The following ANAPC5 variants were observed in gnomAD, a reference collection of about 807,000 sequenced individuals.
ANAPC5 encodes anaphase-promoting complex subunit 5.
ANAPC5 carries 60 observed loss-of-function variants against 91.3 expected under a neutral mutation model. That is an observed-to-expected ratio of 0.66 (90% CI 0.53 to 0.81). The LOEUF (loss-of-function observed/expected upper bound fraction) is 0.81, where lower values mean the gene tolerates loss of function less well. ANAPC5 is among the 40% of genes least tolerant of loss of function. ANAPC5 has a pLI of 0.00. For synonymous variants in ANAPC5, 340 were observed against 364.1 expected (o/e 0.93, Z 0.75); for missense variants, 690 against 931.5 (o/e 0.74, Z 3.37).
chr12:121,318,139 T>G, intron 15 of ANAPC5, 138 bp downstream of exon 15: 1 of 1,093,088 alleles, frequency 9.1e-7, no homozygotes, highest in Non-Finnish European at 1.2e-6. Context: ...TTGGAGGGCT[T>G]GCACAGGAAG....
At chr12:121,324,374 C>T (rs1001319762) in intron 11 of ANAPC5, among the ~76,000 whole-genome samples, 2 of 152,058 alleles carry the variant, frequency 1.3e-5, no homozygotes, top group Non-Finnish European at 2.9e-5. Context: ...AAAAAGGCAG[C>T]TACCTTCTAG....
intron 1 of ANAPC5, among the ~76,000 whole-genome samples, chr12:121,349,904 T>C (rs1373833974): frequency 2.0e-5 from 3 of 151,826 alleles, no homozygotes; most frequent in South Asian, 2.1e-4. Context: ...AGAGATGGGG[T>C]TTCACTGTGT....
At chr12:121,326,635 C>T (rs1555272280) in intron 11 of ANAPC5, 1 of 152,436 alleles carries the variant, frequency 6.6e-6, no homozygotes, top group East Asian at 1.9e-4. Context: ...GGACCTCAGT[C>T]TTTAGTTCTG....
At chr12:121,319,645 A>G in intron 13 of ANAPC5, 52 bp downstream of exon 13, 1 of 1,550,886 alleles carries the variant, frequency 6.4e-7, no homozygotes, top group South Asian at 1.2e-5. Context: ...ACAAAAACAA[A>G]ACCATTTAAC....
At chr12:121,338,890 A>C (rs974632000) in intron 5 of ANAPC5, among the ~76,000 whole-genome samples, 4 of 151,962 alleles carry the variant, frequency 2.6e-5, no homozygotes, top group African/African-American at 9.7e-5. Context: ...TTTTTAACAA[A>C]ATCACAATAT....
chr12:121,331,031 T>A (rs1017267728), intron 8 of ANAPC5: 4 of 393,082 alleles, frequency 1.0e-5, no homozygotes, highest in Non-Finnish European at 1.9e-5. Context: ...CAGGACAACA[T>A]CTCACCCAGT....
chr12:121,352,347 CCGAGACTAAGTCTCGGG>C lies in ANAPC5; in HGVS notation c.-24_-8del. On this transcript the variant is annotated 5_prime_UTR_variant, in exon 1 of 17. Transcript: ENST00000261819. ...TCTCGTGGACGCTGGCCATGGCGGC[CCGAGACTAAGTCTCGGG>C]CCCGCGGCGCGCTGCCGCCAGTTGT... The C allele has an allele frequency of 6.3e-7, 1 of 1,592,892 alleles. No individual in the cohort carries two copies. Among genetic ancestry groups the C allele is most frequent in the Non-Finnish European group, 8.6e-7 (1 of 1,166,162 alleles).
At chr12:121,311,074 C>G (rs1902150226) in intron 15 of ANAPC5, among the ~76,000 whole-genome samples, 1 of 151,450 alleles carries the variant, frequency 6.6e-6, no homozygotes, top group African/African-American at 2.4e-5. Flanking sequence ...ACAAGAGACT[C>G]ACTGTAGATT....
chr12:121,330,116 T>C (rs1416115704), intron 9 of ANAPC5, among the ~76,000 whole-genome samples: 1 of 152,250 alleles, frequency 6.6e-6, no homozygotes, highest in East Asian at 1.9e-4. Context: ...CAGGCCACAC[T>C]TGGTTTCTGT....
At chr12:121,333,493 G>A (rs1002207919) in intron 7 of ANAPC5, 3 of 152,084 alleles carry the variant, frequency 2.0e-5, no homozygotes, top group Admixed American at 6.6e-5. Context: ...GGCTCTGATC[G>A]AGAGGTTATT....
chr12:121,331,277 A>C, intron 8 of ANAPC5, 70 bp downstream of exon 8: 1 of 1,366,842 alleles, frequency 7.3e-7, no homozygotes, highest in Admixed American at 1.8e-5. Context: ...AAACAACCCA[A>C]TTCAACGGGG....
At chr12:121,323,655 C>T (rs928840521) in intron 11 of ANAPC5, among the ~76,000 whole-genome samples, 4 of 152,156 alleles carry the variant, frequency 2.6e-5, no homozygotes, top group Admixed American at 6.6e-5. Context: ...TCTTATTGAT[C>T]CCGAAATACT....
chr12:121,334,715 AAAC>A (rs1555273230), intron 7 of ANAPC5: 4 of 152,240 alleles, frequency 2.6e-5, no homozygotes, highest in Admixed American at 1.3e-4. Flanking sequence ...ACCTGAAAGC[AAAC>A]CTGACTTTCA....
chr12:121,308,985 C>T (rs1457957211), intron 16 of ANAPC5, among the ~76,000 whole-genome samples: 2 of 151,472 alleles, frequency 1.3e-5, no homozygotes, highest in East Asian at 3.9e-4. Flanking sequence ...CTTGTCTCTA[C>T]TAAAAATACA....
At chr12:121,320,320 T>G in intron 12 of ANAPC5, 65 bp downstream of exon 12, 1 of 1,512,842 alleles carries the variant, frequency 6.6e-7, no homozygotes, top group Non-Finnish European at 9.1e-7. Context: ...TATGTCCCAC[T>G]TTATATTATA....
chr12:121,336,529 A>T (rs1903245273), intron 6 of ANAPC5, among the ~76,000 whole-genome samples: 1 of 151,872 alleles, frequency 6.6e-6, no homozygotes, highest in Non-Finnish European at 1.5e-5. Context: ...AATACAAAAA[A>T]TTAGCTGAGC....
At chr12:121,332,152 A>T (rs1236747017) in intron 7 of ANAPC5, 1 of 152,154 alleles carries the variant, frequency 6.6e-6, no homozygotes, top group East Asian at 1.9e-4. Context: ...TTAAGGAGAT[A>T]AAGTCTCACT....
At chr12:121,335,273 C>T (rs1185179457) in intron 7 of ANAPC5, 3 of 234,586 alleles carry the variant, frequency 1.3e-5, no homozygotes, top group Non-Finnish European at 2.5e-5. Flanking sequence ...TCAAGCGATT[C>T]TCCTGCCTCA....
chr12:121,350,386 G>T (rs1903835775), intron 1 of ANAPC5, among the ~76,000 whole-genome samples: 1 of 152,126 alleles, frequency 6.6e-6, no homozygotes, highest in African/African-American at 2.4e-5. Context: ...CACACTTTCT[G>T]TAAGAAATCC....
Sources: allele counts gnomAD v4.1 joint callset (sites outside exome capture counted in the v4.1 genomes callset), GRCh38; gene constraint gnomAD v4.1.1; transcripts MANE v1.5; gene names NCBI Gene and HGNC (gene_info 2026-07-23, HGNC 2026-07-21).